STXBP3: variants seen among roughly 807,000 people sequenced by gnomAD.
The protein encoded by STXBP3 is syntaxin binding protein 3.
STXBP3 carries 41 observed loss-of-function variants against 85.7 expected under a neutral mutation model. The ratio of observed to expected loss-of-function variants is 0.48; its 90% confidence interval spans 0.37 to 0.62. The LOEUF is 0.62. Ranked by LOEUF, STXBP3 falls within the 20% of genes least tolerant of loss-of-function variation. STXBP3 has a pLI of 0.00. For missense variants in STXBP3, 563 were observed against 703.1 expected (o/e 0.80, Z 2.25); for synonymous variants, 229 against 231.7 (o/e 0.99, Z 0.10).
Position 108,779,337 on chromosome 1 carries a change from T to A in STXBP3, c.736T>A (p.Ser246Thr), listed in dbSNP as rs772198800. Reference protein sequence around the residue: ...LIIDRGFDPVSTVLHELTFQA... With the variant: ...LIIDRGFDPVTTVLHELTFQA... The stretch of plus-strand genomic sequence containing the variant: ...AATTGATCGTGGCTTTGATCCTGTG[T>A]CCACTGTCCTGCATGAACTGACCTT... The change falls in exon 9 of 19, where the codon TCC (serine) becomes ACC (threonine). Residue 246 changes from serine (S) to threonine (T), a missense_variant. Transcript: ENST00000370008. 1 of 1,613,408 alleles carries A rather than the reference T, an allele frequency of 6.2e-7. No homozygotes were observed. The highest frequency in any genetic ancestry group is 8.5e-7 in the Non-Finnish European group (1 of 1,179,560).
At chr1:108,767,084 A>C (rs910001029) in intron 6 of STXBP3, 4 of 349,804 alleles carry the variant, frequency 1.1e-5, no homozygotes, top group Non-Finnish European at 2.2e-5. Flanking sequence ...AAAATATGGA[A>C]GGTGCTGGCT....
intron 17 of STXBP3, among the ~76,000 whole-genome samples, chr1:108,801,624 A>C (rs1043460841): frequency 6.6e-6 from 1 of 151,442 alleles, no homozygotes; most frequent in Admixed American, 6.6e-5. Flanking sequence ...GCATTCCAAA[A>C]TAGGCAGTTC....
chr1:108,747,110 G>GCCGCGCTCCCCACTCTTTTCCGCTCCCGT (rs1661804068), intron 1 of STXBP3, among the ~76,000 whole-genome samples: 41 of 147,394 alleles, frequency 2.8e-4, no homozygotes, highest in African/African-American at 1.0e-3. Context: ...CGTGCCCTCG[G>GCCGCGCTCCCCACTCTTTTCCGCTCCCGT]CCGCGCTCCC....
intron 17 of STXBP3, among the ~76,000 whole-genome samples, chr1:108,804,965 A>G (rs941168631): frequency 1.3e-5 from 2 of 152,148 alleles, no homozygotes; most frequent in Non-Finnish European, 2.9e-5. Flanking sequence ...AGCCCTGGAG[A>G]TTTCTCTGAC....
chr1:108,758,410 T>C, intron 4 of STXBP3, 100 bp from the exon 5 acceptor site: 1 of 587,194 alleles, frequency 1.7e-6, no homozygotes, highest in Non-Finnish European at 2.7e-6. Context: ...AGTAAAGTTT[T>C]ATTTTGTCAC....
intron 1 of STXBP3, among the ~76,000 whole-genome samples, chr1:108,748,065 C>T (rs571348152): frequency 6.9e-4 from 105 of 152,242 alleles, no homozygotes; most frequent in South Asian, 4.6e-3. Context: ...TCCTTCTGAT[C>T]CTCATACAGA....
chr1:108,785,475 C>A (rs1310310794), intron 11 of STXBP3, among the ~76,000 whole-genome samples: 1 of 152,108 alleles, frequency 6.6e-6, no homozygotes, highest in East Asian at 1.9e-4. Context: ...CTGAGCCTGA[C>A]CCACGAAACC....
chr1:108,786,575 A>G (rs1386112263), intron 11 of STXBP3, among the ~76,000 whole-genome samples: 1 of 152,254 alleles, frequency 6.6e-6, no homozygotes, highest in Non-Finnish European at 1.5e-5. Context: ...GCAGTAATGC[A>G]TTTGTTGTGA....
At chr1:108,769,071 A>C (rs1273260925) in intron 6 of STXBP3, among the ~76,000 whole-genome samples, 3 of 142,812 alleles carry the variant, frequency 2.1e-5, no homozygotes, top group Non-Finnish European at 4.6e-5. Flanking sequence ...CCTTCCTGAT[A>C]ACATAAACAA....
At chr1:108,748,884 T>C (rs1336924292) in intron 1 of STXBP3, among the ~76,000 whole-genome samples, 1 of 152,096 alleles carries the variant, frequency 6.6e-6, no homozygotes, top group Non-Finnish European at 1.5e-5. Flanking sequence ...GGAAGATTAA[T>C]TTAGAGATTA....
intron 7 of STXBP3, among the ~76,000 whole-genome samples, chr1:108,773,687 C>G (rs1662521331): frequency 6.6e-6 from 1 of 152,098 alleles, no homozygotes; most frequent in Admixed American, 6.6e-5. Context: ...TCCACACTCA[C>G]TCGACTGGGA....
At position 108,782,514 on chromosome 1, in the gene STXBP3, T is replaced by TA; in HGVS notation, c.903dup (p.Glu302ArgfsTer24). On this transcript the variant is annotated frameshift_variant, in exon 10 of 19. Coordinates refer to ENST00000370008, the MANE Select transcript of STXBP3 (RefSeq NM_007269.4). LOFTEE classifies it high-confidence loss of function. ...CGACATCGACATATTGCGGTTGTGT[T>TA]AGAGTATGTGAACTCATTTTAATTT... 6.2e-7 allele frequency: 1 copy of TA among 1,613,090 alleles called. No homozygotes were observed. Among genetic ancestry groups the TA allele is most frequent in the Non-Finnish European group, 8.5e-7 (1 of 1,179,622 alleles).
At position 108,794,672 on chromosome 1, in the gene STXBP3, A is replaced by G. The variant is rs527611802; in HGVS notation, c.1030-155A>G. Among the ~76,000 whole-genome samples, 12 of 152,226 alleles carry G rather than the reference A, an allele frequency of 7.9e-5. No homozygotes were observed. The South Asian group carries it at 1.9e-3, about 24-fold the overall frequency. On this transcript the variant is annotated intron_variant, in intron 12 of 18. Coordinates refer to ENST00000370008, the MANE Select transcript of STXBP3 (RefSeq NM_007269.4). ...CATTTCACCTGTAAATCACCTTCTC[A>G]TTTACTTCCTTTCTTGAGCTGTTCC... is the stretch of plus-strand genomic sequence containing the variant.
At chr1:108,754,978 C>G (rs1299350188) in intron 3 of STXBP3, among the ~76,000 whole-genome samples, 1 of 152,090 alleles carries the variant, frequency 6.6e-6, no homozygotes, top group East Asian at 1.9e-4. Flanking sequence ...TCCTGAAAAT[C>G]CCTCTATGAA....
At chr1:108,746,821 G>A in intron 1 of STXBP3, 35 bp downstream of exon 1, 1 of 1,516,502 alleles carries the variant, frequency 6.6e-7, no homozygotes, top group Non-Finnish European at 8.9e-7. Context: ...AGAGAGGGAA[G>A]GCCGGGAGGC....
intron 17 of STXBP3, among the ~76,000 whole-genome samples, chr1:108,807,121 A>T (rs552415670): frequency 9.2e-5 from 14 of 152,112 alleles, no homozygotes; most frequent in Admixed American, 2.0e-4. Flanking sequence ...GCATGGTGGC[A>T]CATGCCTGTA....
rs748986501 is a variant in STXBP3, at chr1:108,796,357, A to G, written c.1234A>G (p.Ile412Val). The G allele has an allele frequency of 1.0e-5, 16 of 1,532,488 alleles. No homozygotes were observed. In the Admixed American group the frequency reaches 2.0e-4, roughly 19 times the overall value. The allele number at this position is 1,532,488 out of a possible 1,614,324, so 94.9% of individuals were successfully genotyped here. The change falls in exon 14 of 19, where the codon ATC (isoleucine) becomes GTC (valine). Residue 412 changes from isoleucine (I) to valine (V), a missense_variant. Coordinates refer to ENST00000370008, the MANE Select transcript of STXBP3 (RefSeq NM_007269.4). Reference sequence around the variant, plus strand: ...TAAAATAAGAGCAATTCTACTTTATATCTTCAGTATTAATGGTAATGGAGA... The same window carrying G: ...TAAAATAAGAGCAATTCTACTTTATGTCTTCAGTATTAATGGTAATGGAGA... ...CDKIRAILLYIFSINGTTEEN... is the reference protein window; with the variant it reads ...CDKIRAILLYVFSINGTTEEN...
At chr1:108,759,334 T>C (rs1277159952) in intron 5 of STXBP3, 1 of 152,202 alleles carries the variant, frequency 6.6e-6, no homozygotes, top group African/African-American at 2.4e-5. Flanking sequence ...ATACAGAGCA[T>C]CATGTTTATG....
chr1:108,783,623 A>G lies in STXBP3; in HGVS notation c.963+917A>G, dbSNP rs146501002. On this transcript the variant is annotated intron_variant, in intron 11 of 18. Coordinates refer to ENST00000370008, the MANE Select transcript of STXBP3 (RefSeq NM_007269.4). ...ATTATTATGAACAAAGCTGCTATGG[A>G]TTTTTTTGTACATGTAATTTGGTGG... 1.8e-3 allele frequency among the ~76,000 whole-genome samples: 274 copies of G among 151,982 alleles called. 2 individuals are homozygous for G. Among genetic ancestry groups the G allele is most frequent in the African/African-American group, 6.2e-3 (258 of 41,438 alleles).
Sources: allele counts gnomAD v4.1 joint callset (sites outside exome capture counted in the v4.1 genomes callset), GRCh38; gene constraint gnomAD v4.1.1; transcripts MANE v1.5; gene names NCBI Gene and HGNC (gene_info 2026-07-23, HGNC 2026-07-21).